The following PTPRT variants were observed in gnomAD, a reference collection of about 807,000 sequenced individuals.
PTPRT encodes the protein receptor-type tyrosine-protein phosphatase T.
In PTPRT, 56 loss-of-function variants were observed where a neutral mutation model predicts 176.8. That is an observed-to-expected ratio of 0.32 (90% confidence interval 0.26 to 0.40). The LOEUF is 0.40. Ranked by LOEUF, PTPRT falls within the 10% of genes least tolerant of loss-of-function variation. The pLI, the probability that PTPRT is intolerant of heterozygous loss-of-function variation, is 1.00. For synonymous variants in PTPRT, 783 were observed against 739.0 expected, an observed-to-expected ratio of 1.06 and a Z score of -0.96; for missense variants, 1,540 against 1,908.2, an observed-to-expected ratio of 0.81 and a Z score of 3.60.
At chr20:43,121,544 T>C (rs2013258795) in intron 1 of PTPRT, among the ~76,000 whole-genome samples, 1 of 152,198 alleles carries the variant, frequency 6.6e-6, no homozygotes, top group Non-Finnish European at 1.5e-5. Flanking sequence ...CAGTGTAGTT[T>C]TTATTTGCAT....
intron 15 of PTPRT, among the ~76,000 whole-genome samples, chr20:42,207,137 T>A (rs2055492040): frequency 6.6e-6 from 1 of 151,754 alleles, no homozygotes; most frequent in Admixed American, 6.6e-5. Flanking sequence ...CGAAAACCCA[T>A]CTGTACATCA....
chr20:42,731,463 A>G (rs1426286162), intron 6 of PTPRT, among the ~76,000 whole-genome samples: 1 of 152,212 alleles, frequency 6.6e-6, no homozygotes, highest in African/African-American at 2.4e-5. Flanking sequence ...CGAGCCTGAC[A>G]TGCACTACCC....
At chr20:43,096,623 G>C (rs2012181119) in intron 1 of PTPRT, among the ~76,000 whole-genome samples, 1 of 152,244 alleles carries the variant, frequency 6.6e-6, no homozygotes, top group Non-Finnish European at 1.5e-5. Flanking sequence ...AAGGCCAGAA[G>C]CCCAGCATGC....
At chr20:42,948,218 T>G (rs1981011513) in intron 1 of PTPRT, among the ~76,000 whole-genome samples, 1 of 152,128 alleles carries the variant, frequency 6.6e-6, no homozygotes, top group Non-Finnish European at 1.5e-5. Context: ...CAGGACCCCT[T>G]CTCTTCTCAC....
chr20:42,441,663 T>C (rs1032075204), intron 9 of PTPRT, among the ~76,000 whole-genome samples: 4 of 152,136 alleles, frequency 2.6e-5, no homozygotes, highest in African/African-American at 9.7e-5. Flanking sequence ...CAGAACAGGA[T>C]GTGGCAGCAG....
chr20:42,188,272 A>G (rs1005599206), intron 16 of PTPRT, among the ~76,000 whole-genome samples: 2 of 152,200 alleles, frequency 1.3e-5, no homozygotes, highest in Non-Finnish European at 2.9e-5. Flanking sequence ...GGGAGCAAGT[A>G]CAGAACCAGT....
At position 42,607,923 on chromosome 20, in the gene PTPRT, G is replaced by C. The variant is rs567800110; in HGVS notation, c.1153+69943C>G. On this transcript the variant is annotated intron_variant, in intron 7 of 30. Coordinates refer to ENST00000373187, the MANE Select transcript of PTPRT (RefSeq NM_007050.6). ...ACTGCTGATCCTCCCTGAAACACCA[G>C]CTCATAAGGGCATCCTCATGTGGAC... Among the ~76,000 whole-genome samples the C allele has an allele frequency of 2.0e-5, 3 of 152,308 alleles. No homozygotes were observed. In the South Asian group the frequency reaches 6.2e-4, roughly 32 times the overall value.
intron 16 of PTPRT, among the ~76,000 whole-genome samples, chr20:42,177,353 CATT>C (rs1303424462): frequency 6.6e-6 from 1 of 152,202 alleles, no homozygotes; most frequent in Non-Finnish European, 1.5e-5. Context: ...AAAAAGCAAA[CATT>C]ATTCTTTCTG....
chr20:42,884,064 G>C (rs952972087), intron 2 of PTPRT, among the ~76,000 whole-genome samples: 2 of 151,860 alleles, frequency 1.3e-5, no homozygotes, highest in African/African-American at 4.8e-5. Context: ...GATGTGCTAT[G>C]TTTAAGCAGA....
chr20:43,010,611 T>C lies in PTPRT; in HGVS notation c.89-124679A>G, dbSNP rs548609831. ...ACTTAGTAGCAAAACGTATACTGGT[T>C]GACAGCATCATCGTCAACCACAACA... On this transcript the variant is annotated intron_variant, in intron 1 of 30. Transcript: ENST00000373187. 4.6e-5 allele frequency among the ~76,000 whole-genome samples: 7 copies of C among 152,314 alleles called. No homozygotes were observed. The East Asian group carries it at 7.7e-4, about 17-fold the overall frequency.
At chr20:42,086,747 A>ATATAT (rs59722053) in intron 27 of PTPRT, among the ~76,000 whole-genome samples, 12 of 58,754 alleles carry the variant, frequency 2.0e-4, no homozygotes, top group African/African-American at 9.3e-4. Flanking sequence ...AAAAAAAAAA[A>ATATAT]AAAAAAATAT....
At chr20:42,159,563 C>A (rs988350535) in intron 17 of PTPRT, among the ~76,000 whole-genome samples, 3 of 152,026 alleles carry the variant, frequency 2.0e-5, no homozygotes, top group African/African-American at 7.3e-5. Context: ...ACCATTCAAC[C>A]CCCTAGGAAA....
rs187855211 is a variant in PTPRT, at chr20:42,959,376, G to A, written c.89-73444C>T. Among the ~76,000 whole-genome samples, 258 of 152,226 alleles carry A rather than the reference G, an allele frequency of 1.7e-3. 6 individuals are homozygous for A. Among genetic ancestry groups the A allele is most frequent in the Admixed American group, 0.016 (250 of 15,280 alleles). On this transcript the variant is annotated intron_variant, in intron 1 of 30. Transcript: ENST00000373187. ...ACTAATTTCTCGCCCTAAACTAAGC[G>A]GAATATCTCAAAGTCAAGGAGAAGA...
At chr20:42,436,540 G>A (rs529753312) in intron 9 of PTPRT, among the ~76,000 whole-genome samples, 1 of 152,304 alleles carries the variant, frequency 6.6e-6, no homozygotes, top group Non-Finnish European at 1.5e-5. Context: ...AACACCAAAT[G>A]TTGGAGAGGG....
chr20:42,654,229 G>A (rs1013996404), intron 7 of PTPRT, among the ~76,000 whole-genome samples: 3 of 152,202 alleles, frequency 2.0e-5, no homozygotes, highest in Non-Finnish European at 2.9e-5. Flanking sequence ...GCAAGGACAT[G>A]AAGTTGGTAA....
chr20:43,101,022 G>T (rs556106537), intron 1 of PTPRT, among the ~76,000 whole-genome samples: 1 of 152,102 alleles, frequency 6.6e-6, no homozygotes, highest in East Asian at 1.9e-4. Flanking sequence ...TAATAGGCAC[G>T]TTTAAGAAAT....
In PTPRT at chr20:43,152,531, C is replaced by A. The variant is rs185839920; in HGVS notation, c.88+37115G>T. Among the ~76,000 whole-genome samples, 6 of 152,296 alleles carry A rather than the reference C, an allele frequency of 3.9e-5. No individual in the cohort carries two copies. The East Asian group carries it at 1.2e-3, about 29-fold the overall frequency. On this transcript the variant is annotated intron_variant, in intron 1 of 30. Coordinates refer to ENST00000373187, the MANE Select transcript of PTPRT (RefSeq NM_007050.6). Reference sequence around the variant, plus strand: ...TGAGGTCTCCCCAATGCCTTGCCATCCCCACTGTGTGCCCCAATCTGAGCA... The same window carrying A: ...TGAGGTCTCCCCAATGCCTTGCCATACCCACTGTGTGCCCCAATCTGAGCA...
At chr20:42,824,947 T>C (rs6072881) in intron 2 of PTPRT, among the ~76,000 whole-genome samples, 13,006 of 152,026 alleles carry the variant, frequency 0.086, 687 homozygotes, top group Admixed American at 0.15. Flanking sequence ...TATGAACAGA[T>C]AATTCACAGA....
intron 1 of PTPRT, among the ~76,000 whole-genome samples, chr20:42,978,854 C>T (rs1224800657): frequency 6.6e-6 from 1 of 152,196 alleles, no homozygotes; most frequent in Non-Finnish European, 1.5e-5. Context: ...AATAATCTAT[C>T]CCTTGTTCAG....
Sources: allele counts gnomAD v4.1 joint callset (sites outside exome capture counted in the v4.1 genomes callset), GRCh38; gene constraint gnomAD v4.1.1; transcripts MANE v1.5; gene names NCBI Gene and HGNC (gene_info 2026-07-23, HGNC 2026-07-21).